The following RANBP2 variants were observed in gnomAD, a reference collection of about 807,000 sequenced individuals.
The protein encoded by RANBP2 is E3 SUMO-protein ligase RanBP2.
In RANBP2, 57 loss-of-function variants were observed where a neutral mutation model predicts 303.6. The observed-to-expected ratio is 0.19, with a 90% CI of 0.15 to 0.23. The LOEUF (loss-of-function observed/expected upper bound fraction) is 0.23, where lower values mean the gene tolerates loss of function less well. RANBP2 is among the 10% of genes least tolerant of loss of function. The probability of loss-of-function intolerance (pLI) is 1.00; values close to 1 mark genes in which losing one functional copy is unlikely to be tolerated. For synonymous variants in RANBP2, 1,167 were observed against 1,301.5 expected (o/e 0.90, Z 2.23); for missense variants, 3,138 against 3,780.8 (o/e 0.83, Z 4.46).
the RANBP2 span, among the ~76,000 whole-genome samples, chr2:109,385,377 T>A: frequency 5.3e-5 from 8 of 152,248 alleles, no homozygotes; most frequent in African/African-American, 1.9e-4. Flanking sequence ...ACCTCCCATG[T>A]CACTCTGCAG....
chr2:109,582,212 C>T, the RANBP2 span, among the ~76,000 whole-genome samples: 1 of 152,080 alleles, frequency 6.6e-6, no homozygotes, highest in Non-Finnish European at 1.5e-5. Flanking sequence ...TCACAGATGA[C>T]ACCGACAAAC....
At chr2:109,420,283 A>C in the RANBP2 span, among the ~76,000 whole-genome samples, 1 of 152,206 alleles carries the variant, frequency 6.6e-6, no homozygotes, top group Non-Finnish European at 1.5e-5. Context: ...GGCAGAGCTC[A>C]GTCACTTGAA....
At chr2:108,885,891 TTAAAA>T in the RANBP2 span, among the ~76,000 whole-genome samples, 3 of 152,350 alleles carry the variant, frequency 2.0e-5, no homozygotes, top group East Asian at 5.8e-4. Flanking sequence ...CTGTTTTCAC[TTAAAA>T]TAATGACCTC....
At chr2:109,299,849 A>G in the RANBP2 span, among the ~76,000 whole-genome samples, 1 of 152,234 alleles carries the variant, frequency 6.6e-6, no homozygotes, top group Admixed American at 6.5e-5. Flanking sequence ...ATGTACAGCC[A>G]GGCTGAACAT....
the RANBP2 span, among the ~76,000 whole-genome samples, chr2:109,370,090 C>T: frequency 6.6e-6 from 1 of 152,180 alleles, no homozygotes; most frequent in African/African-American, 2.4e-5. Flanking sequence ...TTCCATGATG[C>T]ACCTGACTGC....
chr2:109,065,216 G>T, the RANBP2 span, among the ~76,000 whole-genome samples: 1 of 152,198 alleles, frequency 6.6e-6, no homozygotes, highest in African/African-American at 2.4e-5. Context: ...GTTCTCTGAA[G>T]TCCCTGGTCC....
the RANBP2 span, among the ~76,000 whole-genome samples, chr2:109,736,695 G>A: frequency 2.0e-5 from 3 of 152,006 alleles, no homozygotes; most frequent in Non-Finnish European, 2.9e-5. Flanking sequence ...AGAAACCCGC[G>A]TTTTATTGAC....
intron 7 of RANBP2, among the ~76,000 whole-genome samples, chr2:108,746,297 C>T (rs966398618): frequency 2.7e-5 from 4 of 147,622 alleles, no homozygotes; most frequent in African/African-American, 1.0e-4. Context: ...ACTACAACCT[C>T]TGCCTCCCAG....
At chr2:109,658,190 G>A in the RANBP2 span, among the ~76,000 whole-genome samples, 1 of 151,538 alleles carries the variant, frequency 6.6e-6, no homozygotes, top group South Asian at 2.1e-4. Context: ...GCTCATGCCT[G>A]TAATCCCAGC....
chr2:109,466,619 CTT>C, the RANBP2 span, among the ~76,000 whole-genome samples: 6,855 of 152,218 alleles, frequency 0.045, 459 homozygotes, highest in African/African-American at 0.14. Flanking sequence ...ATGATTGTGT[CTT>C]TGGTGTTTTA....
chr2:109,614,372 A>T, the RANBP2 span: 2 of 840,502 alleles, frequency 2.4e-6, no homozygotes, highest in Non-Finnish European at 3.1e-6. Flanking sequence ...TCAGACGCGT[A>T]GGCTGGCAGC....
the RANBP2 span, among the ~76,000 whole-genome samples, chr2:108,809,448 TTGTGTGTGTGTGTGTGTGTGTGTGTG>T: frequency 2.8e-5 from 4 of 141,138 alleles, no homozygotes; most frequent in African/African-American, 7.8e-5. Flanking sequence ...ACATGAAATG[TTGTGTGTGTGTGTGTGTGTGTGTGTG>T]TGTGTGTGTG....
the RANBP2 span, among the ~76,000 whole-genome samples, chr2:109,576,607 A>AT: frequency 6.6e-6 from 1 of 152,204 alleles, no homozygotes; most frequent in Non-Finnish European, 1.5e-5. Context: ...TATATTTCAC[A>AT]TAAAAATTCC....
chr2:109,261,153 A>G, the RANBP2 span, among the ~76,000 whole-genome samples: 1 of 152,054 alleles, frequency 6.6e-6, no homozygotes, highest in Non-Finnish European at 1.5e-5. Flanking sequence ...TGTTGTGTGG[A>G]CACATCAACA....
chr2:109,095,771 A>G, the RANBP2 span, among the ~76,000 whole-genome samples: 1 of 152,234 alleles, frequency 6.6e-6, no homozygotes, highest in Non-Finnish European at 1.5e-5. Context: ...ACTAATTGAA[A>G]CTGTATAGAT....
chr2:109,601,135 G>A, the RANBP2 span, among the ~76,000 whole-genome samples: 60 of 152,244 alleles, frequency 3.9e-4, 1 homozygote, highest in South Asian at 0.012. Context: ...ACTGGTCACT[G>A]GTATCAATTA....
At chr2:109,459,244 A>G in the RANBP2 span, among the ~76,000 whole-genome samples, 1 of 152,188 alleles carries the variant, frequency 6.6e-6, no homozygotes, top group South Asian at 2.1e-4. Flanking sequence ...ACACATTCAC[A>G]CAGACATATT....
chr2:109,613,144 C>A, the RANBP2 span: 2 of 1,286,200 alleles, frequency 1.6e-6, no homozygotes, highest in Admixed American at 2.3e-5. Flanking sequence ...ATGTACACGA[C>A]CTTGGTACTA....
At chr2:108,846,629 A>G in the RANBP2 span, 1 of 862,184 alleles carries the variant, frequency 1.2e-6, no homozygotes, top group African/African-American at 1.7e-5. Context: ...GTGAGCCATG[A>G]TTGCGCTACT....
Sources: gnomAD v4.1 joint callset for allele counts (sites outside exome capture counted in the v4.1 genomes callset) on GRCh38, gnomAD v4.1.1 for gene constraint, MANE v1.5 for transcripts, NCBI Gene and HGNC (gene_info 2026-07-23, HGNC 2026-07-21) for gene names.